Variants in RTL1 observed in about 807,000 individuals in gnomAD.
RTL1 encodes retrotransposon Gag like 1.
For missense variants in RTL1, 1,681 were observed against 1,767.5 expected (o/e 0.95, Z 0.88); for synonymous variants, 727 against 748.4 (o/e 0.97, Z 0.47).
chr14:100,896,277 G>C (rs551498496), intron 2 of RTL1, among the ~76,000 whole-genome samples: 1 of 152,272 alleles, frequency 6.6e-6, no homozygotes, highest in African/African-American at 2.4e-5. Flanking sequence ...GTTGAAAATA[G>C]GTCTCTGCCT....
In RTL1 at chr14:100,881,421, G is replaced by C. The variant is rs2038610792; in HGVS notation, c.3368C>G (p.Ser1123Cys). Reference protein sequence around the residue: ...MRVARPQPQRSLRLILDSSLI... With the variant: ...MRVARPQPQRCLRLILDSSLI... Reference sequence around the variant, plus strand: ...GGACGAATCCAGGATGAGTCGTAGGGAGCGCTGGGGCTGGGGCCGAGCCAC... The same window carrying C: ...GGACGAATCCAGGATGAGTCGTAGGCAGCGCTGGGGCTGGGGCCGAGCCAC... The change falls in exon 4 of 4, where the codon TCC becomes TGC. Residue 1123 changes from serine (S) to cysteine (C), a missense_variant. Ser to Cys is a moderately radical substitution (Grantham distance 112). Coordinates refer to ENST00000649591, the MANE Select transcript of RTL1 (RefSeq NM_001134888.3). The surrounding 1 kb of genome is among the most constrained non-coding windows in gnomAD (Gnocchi z 6.6). 1 of 1,550,942 alleles carries C rather than the reference G, an allele frequency of 6.4e-7. No individual in the cohort carries two copies. The highest frequency in any genetic ancestry group is 8.7e-7 in the Non-Finnish European group (1 of 1,146,974).
intron 3 of RTL1, among the ~76,000 whole-genome samples, chr14:100,891,869 G>T (rs551684785): frequency 6.6e-6 from 1 of 152,220 alleles, no homozygotes; most frequent in East Asian, 1.9e-4. Flanking sequence ...GGGTTTCGGT[G>T]GTGGTCTTCT....
chr14:100,883,093 A>G lies in RTL1; in HGVS notation c.1696T>C (p.Phe566Leu), dbSNP rs781260146. The G allele has an allele frequency of 3.1e-6, 5 of 1,613,752 alleles. No homozygotes were observed. The highest frequency in any genetic ancestry group is 2.2e-5 in the East Asian group (1 of 44,876). Residue 566 changes from phenylalanine (F) to leucine (L), a missense_variant, in exon 4 of 4, where the codon TTT becomes CTT. Transcript: ENST00000649591. This position sits in a 1 kb window ranked among gnomAD's most constrained non-coding sequence, Gnocchi z 5.9. ...TCATCATCTGCTTCCTTCGGGTTAAACACGTCGGCCAGGTCTGAGTATGGG... is the reference window on the plus strand; with the variant it reads ...TCATCATCTGCTTCCTTCGGGTTAAGCACGTCGGCCAGGTCTGAGTATGGG... The part of the protein sequence containing the change: ...PHPYSDLADV[F>L]NPKEADDETS...
Position 100,888,929 on chromosome 14 carries a change from G to C in RTL1, c.-86-4055C>G, listed in dbSNP as rs566656483. Among the ~76,000 whole-genome samples, 32 of 152,250 alleles carry C rather than the reference G, an allele frequency of 2.1e-4. No individual in the cohort carries two copies. In the East Asian group the frequency reaches 6.2e-3, roughly 29 times the overall value. ...CCCAAGATAGAAATTCAAAATGTTT[G>C]CGCATGATTGTTAAATTGGTGGCTG... is the stretch of plus-strand genomic sequence containing the variant. On this transcript the variant is annotated intron_variant, in intron 3 of 3. Transcript: ENST00000649591.
chr14:100,896,098 C>T (rs905117784), intron 2 of RTL1, among the ~76,000 whole-genome samples: 1 of 151,020 alleles, frequency 6.6e-6, no homozygotes, highest in South Asian at 2.1e-4. Flanking sequence ...AGAAAAATTG[C>T]AAAACTATAG....
Position 100,883,516 on chromosome 14 carries a change from CCGCGACG to C in RTL1, c.1266_1272del (p.Ser422ArgfsTer43). The stretch of plus-strand genomic sequence containing the variant: ...GCTCCCGAATCCACCAGGGCCTGGA[CCGCGACG>C]CTGTGGTAGGGGTTCACTCTCACCA... On this transcript the variant is annotated frameshift_variant, in exon 4 of 4. Transcript: ENST00000649591. LOFTEE classifies it low-confidence loss of function (END_TRUNC). This position sits in a 1 kb window ranked among gnomAD's most constrained non-coding sequence, Gnocchi z 5.9. 1.3e-6 allele frequency: 2 copies of C among 1,551,476 alleles called. No homozygotes were observed. The highest frequency in any genetic ancestry group is 1.7e-6 in the Non-Finnish European group (2 of 1,146,990).
chr14:100,903,276 C>A lies in RTL1; in HGVS notation c.-149+15G>T, dbSNP rs1474614932. ...ATCCATGCACTCATTCTCCAAGCCA[C>A]CACAGTGTACCTACCTTCCCCGGGC... On this transcript the variant is annotated intron_variant, in intron 2 of 3. Coordinates refer to ENST00000649591, the MANE Select transcript of RTL1 (RefSeq NM_001134888.3). Among the ~76,000 whole-genome samples, 1 of 152,122 alleles carries A rather than the reference C, an allele frequency of 6.6e-6. No homozygotes were observed. Among genetic ancestry groups the A allele is most frequent in the Admixed American group, 6.5e-5 (1 of 15,278 alleles).
In RTL1 at chr14:100,879,758, T is replaced by C. The variant is rs1473083601; in HGVS notation, c.*954A>G. ...ACAAACCCCAAAGTCAGACAGTCTT[T>C]TAGTTTGCTTTATTTGAGGAGTGCA... On this transcript the variant is annotated 3_prime_UTR_variant, in exon 4 of 4. Transcript: ENST00000649591. Among the ~76,000 whole-genome samples, 1 of 148,748 alleles carries C rather than the reference T, an allele frequency of 6.7e-6. No homozygotes were observed. The highest frequency in any genetic ancestry group is 2.5e-5 in the African/African-American group (1 of 40,724).
chr14:100,896,750 G>C (rs999857174), intron 2 of RTL1, among the ~76,000 whole-genome samples: 3 of 152,180 alleles, frequency 2.0e-5, no homozygotes, highest in African/African-American at 7.2e-5. Flanking sequence ...GAGTCGGGAA[G>C]AAACATGGCA....
At chr14:100,897,055 G>C (rs906789206) in intron 2 of RTL1, among the ~76,000 whole-genome samples, 1 of 152,184 alleles carries the variant, frequency 6.6e-6, no homozygotes, top group African/African-American at 2.4e-5. Flanking sequence ...GCTGTGGGTG[G>C]TGAAATCACA....
chr14:100,890,851 G>A (rs1217844503), intron 3 of RTL1, among the ~76,000 whole-genome samples: 2 of 152,184 alleles, frequency 1.3e-5, no homozygotes, highest in African/African-American at 2.4e-5. Flanking sequence ...TGGATGGAAG[G>A]CACAGCGTCA....
rs1361881067 is a variant in RTL1, at chr14:100,881,170, G to C, written c.3619C>G (p.Gln1207Glu). The change falls in exon 4 of 4, where the codon CAG becomes GAG. Residue 1207 changes from glutamine to glutamate, a missense_variant. By Grantham distance (29) the Gln-to-Glu change is conservative (BLOSUM62 2). Coordinates refer to ENST00000649591, the MANE Select transcript of RTL1 (RefSeq NM_001134888.3). This position sits in a 1 kb window ranked among gnomAD's most constrained non-coding sequence, Gnocchi z 6.6. ...CEFFGVRVTP[Q>E]EGHLPALRQN... ...CGCAGGGCAGGGAGGTGGCCCTCCT[G>C]GGGGGTGACTCTGACACCGAAGAAC... The C allele has an allele frequency of 6.5e-7, 1 of 1,541,392 alleles. No individual in the cohort carries two copies. Among genetic ancestry groups the C allele is most frequent in the African/African-American group, 1.4e-5 (1 of 73,070 alleles).
Position 100,881,169 on chromosome 14 carries a change from T to TG in RTL1, c.3619dup (p.Gln1207ProfsTer21), listed in dbSNP as rs2038605450. On this transcript the variant is annotated frameshift_variant, in exon 4 of 4. Transcript: ENST00000649591. LOFTEE classifies it low-confidence loss of function (END_TRUNC). This position sits in a 1 kb window ranked among gnomAD's most constrained non-coding sequence, Gnocchi z 6.6. The stretch of plus-strand genomic sequence containing the variant: ...ACGCAGGGCAGGGAGGTGGCCCTCC[T>TG]GGGGGGTGACTCTGACACCGAAGAA... 1.9e-6 allele frequency: 3 copies of TG among 1,542,030 alleles called. No individual in the cohort carries two copies. The highest frequency in any genetic ancestry group is 8.8e-7 in the Non-Finnish European group (1 of 1,142,126).
chr14:100,890,961 G>A (rs2038768589), intron 3 of RTL1, among the ~76,000 whole-genome samples: 1 of 152,146 alleles, frequency 6.6e-6, no homozygotes, highest in Non-Finnish European at 1.5e-5. Context: ...GTTAAGATGT[G>A]TCCATGGCAG....
At position 100,884,282 on chromosome 14, in the gene RTL1, G is replaced by A. The variant is rs1327884282; in HGVS notation, c.507C>T (p.Ser169=). ...GCATTCGGAAGTACAGCGAGATGAT[G>A]GACCTCACCATGGCCATAAGTTCTG... ...STAELMAMVR[S]IISLYFRMQD... is the part of the protein sequence containing the mutation. The change falls in exon 4 of 4, where the codon TCC becomes TCT. Residue 169 remains serine, a synonymous_variant. Transcript: ENST00000649591. 6.4e-7 allele frequency: 1 copy of A among 1,551,702 alleles called. No homozygotes were observed. Among genetic ancestry groups the A allele is most frequent in the African/African-American group, 1.4e-5 (1 of 73,062 alleles).
At chr14:100,889,583 C>T (rs2038740840) in intron 3 of RTL1, 1 of 152,010 alleles carries the variant, frequency 6.6e-6, no homozygotes, top group South Asian at 2.1e-4. Flanking sequence ...TTTGTTTAAC[C>T]ACGTCCCTCT....
intron 2 of RTL1, chr14:100,898,012 T>C (rs1247713161): frequency 4.0e-6 from 2 of 505,280 alleles, no homozygotes; most frequent in African/African-American, 3.9e-5. Flanking sequence ...ACAATAGGTC[T>C]TGGCTGTTTC....
At chr14:100,902,536 G>A (rs899115707) in intron 2 of RTL1, among the ~76,000 whole-genome samples, 2 of 152,102 alleles carry the variant, frequency 1.3e-5, no homozygotes, top group African/African-American at 2.4e-5. Context: ...TAGGGAGAAC[G>A]CTCTGTATGC....
In RTL1 at chr14:100,880,206, G is replaced by A. The variant is rs1323792192; in HGVS notation, c.*506C>T. Among the ~76,000 whole-genome samples the A allele has an allele frequency of 6.1e-5, 9 of 148,698 alleles. No homozygotes were observed. In the East Asian group the frequency reaches 1.2e-3, roughly 20 times the overall value. ...CATCATCAGATGTCGGGAGGTTGGG[G>A]GATGGGGGTTGGGGGGCGGGGGCGG... On this transcript the variant is annotated 3_prime_UTR_variant, in exon 4 of 4. Transcript: ENST00000649591.
Sources: allele counts gnomAD v4.1 joint callset (sites outside exome capture counted in the v4.1 genomes callset), GRCh38; gene constraint gnomAD v4.1.1; non-coding constraint Gnocchi (gnomAD v3.1); transcripts MANE v1.5; gene names NCBI Gene and HGNC (gene_info 2026-07-23, HGNC 2026-07-21).